The following PCSK6 variants were observed in gnomAD, a reference collection of about 807,000 sequenced individuals.
PCSK6 encodes the protein paired basic amino acid cleaving enzyme 4.
In PCSK6, 85 loss-of-function variants were observed where a neutral mutation model predicts 123.3. The ratio of observed to expected loss-of-function variants is 0.69; its 90% CI spans 0.58 to 0.83. The LOEUF (loss-of-function observed/expected upper bound fraction) is 0.83, where lower values mean the gene tolerates loss of function less well. Ranked by LOEUF, PCSK6 falls within the 40% of genes least tolerant of loss-of-function variation. The pLI is 0.00. For missense variants in PCSK6, 1,191 were observed against 1,282.3 expected, an observed-to-expected ratio of 0.93 and a Z score of 1.09; for synonymous variants, 508 against 516.0, an observed-to-expected ratio of 0.98 and a Z score of 0.21.
chr15:101,316,023 G>A (rs563405538), intron 19 of PCSK6, among the ~76,000 whole-genome samples: 1 of 152,368 alleles, frequency 6.6e-6, no homozygotes, highest in African/African-American at 2.4e-5. Context: ...CTGTGCCCAG[G>A]CCCCTGGGTG....
chr15:101,432,181 T>C lies in PCSK6; in HGVS notation c.403-81A>G, dbSNP rs1390087161. On this transcript the variant is annotated intron_variant, in intron 2 of 21. Coordinates refer to ENST00000611716, the MANE Select transcript of PCSK6 (RefSeq NM_002570.5). Reference sequence around the variant, plus strand: ...TAGCCTCTTTGCAGGTGCTACAGCCTTCCTTGTGCGTGAATATCTGTGTCA... The same window carrying C: ...TAGCCTCTTTGCAGGTGCTACAGCCCTCCTTGTGCGTGAATATCTGTGTCA... The C allele has an allele frequency of 5.3e-6, 6 of 1,130,418 alleles. No homozygotes were observed. In the African/African-American group the frequency reaches 7.7e-5, roughly 14 times the overall value. 70.0% of individuals were successfully genotyped at this position (1,130,418 alleles called of 1,614,324 possible).
chr15:101,371,303 C>T (rs958073256), intron 11 of PCSK6, among the ~76,000 whole-genome samples: 12 of 152,164 alleles, frequency 7.9e-5, no homozygotes, highest in African/African-American at 2.4e-4. Flanking sequence ...GGCTTCTCCT[C>T]GGTGGCATTT....
chr15:101,346,809 T>G, intron 13 of PCSK6: 1 of 1,231,352 alleles, frequency 8.1e-7, no homozygotes, highest in East Asian at 3.2e-5. Flanking sequence ...TTTGTTATGC[T>G]TTCTACTGGA....
chr15:101,351,770 G>A (rs1278917909), intron 13 of PCSK6, among the ~76,000 whole-genome samples: 1 of 152,144 alleles, frequency 6.6e-6, no homozygotes. Flanking sequence ...GGAAAATGGG[G>A]ACAGGATGGG....
chr15:101,489,332 C>T (rs1157559317), intron 1 of PCSK6, 42 bp downstream of exon 1: 9 of 1,106,134 alleles, frequency 8.1e-6, no homozygotes, highest in Non-Finnish European at 9.9e-6. Flanking sequence ...GCGCCGGAGG[C>T]CGCCGGGAAA....
At chr15:101,431,530 G>T (rs1446502258) in intron 3 of PCSK6, 67 bp from the exon 4 acceptor site, 8 of 1,596,798 alleles carry the variant, frequency 5.0e-6, no homozygotes, top group Non-Finnish European at 6.8e-6. Flanking sequence ...GACACTCGGT[G>T]CACACCCCAC....
At chr15:101,318,600 C>T (rs1452776135) in intron 18 of PCSK6, among the ~76,000 whole-genome samples, 178 bp from the exon 19 acceptor site, 1 of 152,246 alleles carries the variant, frequency 6.6e-6, no homozygotes, top group Non-Finnish European at 1.5e-5. Context: ...GGGGGCCCAG[C>T]AGGAAGGGGT....
intron 11 of PCSK6, among the ~76,000 whole-genome samples, chr15:101,381,493 T>TA (rs1220850031): frequency 2.6e-5 from 4 of 152,100 alleles, no homozygotes; most frequent in South Asian, 2.1e-4. Flanking sequence ...CGAGCCTTGT[T>TA]AAAAAAATCC....
chr15:101,446,379 T>G lies in PCSK6; in HGVS notation c.298-2719A>C, dbSNP rs150864080. ...TTCCGTTATCTGCACATCTCACATT[T>G]TGTTTATTCATTCATCTATTTATGG... On this transcript the variant is annotated intron_variant, in intron 1 of 21. Transcript: ENST00000611716. Among the ~76,000 whole-genome samples the G allele has an allele frequency of 8.5e-4, 130 of 152,394 alleles. 1 individual carries two copies. Among genetic ancestry groups the G allele is most frequent in the African/African-American group, 2.9e-3 (121 of 41,590 alleles).
chr15:101,489,565 C>CGCCCCCCGA lies in PCSK6; in HGVS notation c.105_106insTCGGGGGGC (p.Gly35_Ala36insSerGlyGly). 1.1e-6 allele frequency: 1 copy of CGCCCCCCGA among 895,906 alleles called. No individual in the cohort carries two copies. Among genetic ancestry groups the CGCCCCCCGA allele is most frequent in the East Asian group, 1.2e-4 (1 of 8,198 alleles). 55.5% of individuals were successfully genotyped at this position (895,906 alleles called of 1,614,324 possible). A position where few individuals can be genotyped will look rare whatever the true frequency, so the allele number is the denominator to read the frequency against. ...AGCGGCCGGAACCCGGGCCCGCCGG[C>CGCCCCCCGA]GCCCCCCGCGCCCCCCGCGCCCCCC... is the stretch of plus-strand genomic sequence containing the variant. On this transcript the variant is annotated inframe_insertion, in exon 1 of 22. Coordinates refer to ENST00000611716, the MANE Select transcript of PCSK6 (RefSeq NM_002570.5).
At chr15:101,344,383 T>A (rs1162193153) in intron 13 of PCSK6, among the ~76,000 whole-genome samples, 1 of 152,248 alleles carries the variant, frequency 6.6e-6, no homozygotes, top group African/African-American at 2.4e-5. Context: ...TTTACCAATA[T>A]GTATAGACCC....
chr15:101,350,652 A>G (rs1275929099), intron 13 of PCSK6, among the ~76,000 whole-genome samples: 1 of 152,244 alleles, frequency 6.6e-6, no homozygotes, highest in Non-Finnish European at 1.5e-5. Flanking sequence ...CAATGAAAAA[A>G]GAATGCCTGG....
At chr15:101,419,537 CTT>C (rs3031795) in intron 6 of PCSK6, among the ~76,000 whole-genome samples, 2 of 143,556 alleles carry the variant, frequency 1.4e-5, no homozygotes, top group Non-Finnish European at 1.5e-5. Context: ...CCCAACAGGG[CTT>C]TTTTTTTTTT....
intron 13 of PCSK6, among the ~76,000 whole-genome samples, chr15:101,341,262 T>C (rs2040601480): frequency 6.7e-6 from 1 of 149,088 alleles, no homozygotes; most frequent in Non-Finnish European, 1.5e-5. Flanking sequence ...TTTTTTTTTT[T>C]TTTCTTGACA....
At chr15:101,307,641 C>T (rs1596160771) in intron 20 of PCSK6, 1 of 302,634 alleles carries the variant, frequency 3.3e-6, no homozygotes, top group Non-Finnish European at 6.4e-6. Flanking sequence ...CCCTGGCACC[C>T]AGCCCCCACC....
intron 9 of PCSK6, among the ~76,000 whole-genome samples, chr15:101,385,622 T>C (rs1030541831): frequency 1.3e-5 from 2 of 152,236 alleles, no homozygotes; most frequent in South Asian, 2.1e-4. Flanking sequence ...CGATGAAATA[T>C]AGTATTTTTC....
chr15:101,400,090 T>A (rs905003601), intron 6 of PCSK6, among the ~76,000 whole-genome samples: 2 of 152,124 alleles, frequency 1.3e-5, no homozygotes, highest in African/African-American at 2.4e-5. Flanking sequence ...GTGACACAGA[T>A]CATAGCTCAC....
chr15:101,479,158 C>T (rs72757677), intron 1 of PCSK6, among the ~76,000 whole-genome samples: 23,894 of 152,024 alleles, frequency 0.16, 2,253 homozygotes, highest in South Asian at 0.26. Context: ...CCGTGGAGCT[C>T]GGAGAGGACA....
intron 1 of PCSK6, among the ~76,000 whole-genome samples, chr15:101,447,813 C>T (rs144976479): frequency 3.8e-4 from 58 of 152,356 alleles, no homozygotes; most frequent in Non-Finnish European, 8.1e-4. Context: ...CACAGCTCAT[C>T]GACTACGCAC....
Sources: gnomAD v4.1 joint callset for allele counts (sites outside exome capture counted in the v4.1 genomes callset) on GRCh38, gnomAD v4.1.1 for gene constraint, MANE v1.5 for transcripts, NCBI Gene and HGNC (gene_info 2026-07-23, HGNC 2026-07-21) for gene names.